LRFN1: variants seen among roughly 807,000 people sequenced by gnomAD.
LRFN1 encodes the protein leucine-rich repeat and fibronectin type III domain-containing protein 1.
LRFN1 carries 20 observed loss-of-function variants against 31.8 expected under a neutral mutation model. The observed-to-expected ratio is 0.63, with a 90% CI of 0.44 to 0.91. LRFN1 has a LOEUF of 0.91. LRFN1 is among the 40% of genes least tolerant of loss of function. LRFN1 has a pLI of 0.00. For missense variants in LRFN1, 912 were observed against 1,129.8 expected (o/e 0.81, Z 2.76); for synonymous variants, 514 against 541.3 (o/e 0.95, Z 0.70).
chr19:39,307,782 C>A lies in LRFN1; in HGVS notation c.2167G>T (p.Ala723Ser). ...LFQSHSYPRR[A>S]RRTKRHRSTP... ...GACCGGTGGCGCTTTGTCCGCCGGG[C>A]GCGGCGCGGGTAACTGTGGCTCTGG... Residue 723 changes from alanine (A) to serine (S), a missense_variant, in exon 5 of 5, where the codon GCC becomes TCC. Ala to Ser is a moderately conservative substitution (Grantham distance 99). Coordinates refer to ENST00000248668, the MANE Select transcript of LRFN1 (RefSeq NM_020862.2). This position sits in a 1 kb window ranked among gnomAD's most constrained non-coding sequence, Gnocchi z 6.7. The A allele has an allele frequency of 6.7e-7, 1 of 1,489,374 alleles. No homozygotes were observed. The highest frequency in any genetic ancestry group is 8.9e-7 in the Non-Finnish European group (1 of 1,127,658). The allele number at this position is 1,489,374 out of a possible 1,614,324, so 92.3% of individuals were successfully genotyped here. A position where few individuals can be genotyped will look rare whatever the true frequency, so the allele number is the denominator to read the frequency against.
Position 39,307,941 on chromosome 19 carries a change from G to T in LRFN1, c.2008C>A (p.Arg670=). Residue 670 remains arginine (R), a synonymous_variant, in exon 5 of 5, where the codon CGA becomes AGA. Transcript: ENST00000248668. The surrounding 1 kb of genome is among the most constrained non-coding windows in gnomAD (Gnocchi z 6.7). ...TCCAGGGCGCCGGATCGGCTCCTTC[G>T]AGGGCCCACCGCGGCCCGAGACTCC... The part of the protein sequence containing the change: ...GEESRAAVGP[R]RSRSGALEPP... The T allele has an allele frequency of 2.5e-6, 4 of 1,570,514 alleles. No individual in the cohort carries two copies. Among genetic ancestry groups the T allele is most frequent in the Non-Finnish European group, 3.4e-6 (4 of 1,166,440 alleles).
In LRFN1 at chr19:39,308,003, G is replaced by A. The variant is rs1217539009; in HGVS notation, c.1946C>T (p.Ser649Leu). 2 of 1,573,514 alleles carry A rather than the reference G, an allele frequency of 1.3e-6. No homozygotes were observed. The highest frequency in any genetic ancestry group is 1.4e-5 in the African/African-American group (1 of 73,152). Residue 649 changes from serine (S) to leucine (L), a missense_variant, in exon 5 of 5, where the codon TCG (serine) becomes TTG (leucine). Around this residue, in one of 2 missense-constraint regions of LRFN1, gnomAD observed 511 missense variants for 557.0 expected, o/e 0.92. Coordinates refer to ENST00000248668, the MANE Select transcript of LRFN1 (RefSeq NM_020862.2). This position sits in a 1 kb window ranked among gnomAD's most constrained non-coding sequence, Gnocchi z 6.2. ...TTCCTCGGATGGCAGCAGGCACAGC[G>A]AGGTGGCCGAGCCGCCCAGAGAACG... ...LGRSLGGSATSLCLLPSEETS... is the reference protein window; with the variant it reads ...LGRSLGGSATLLCLLPSEETS...
At chr19:39,318,596 C>T (rs2075178892) in intron 1 of LRFN1, among the ~76,000 whole-genome samples, 1 of 152,050 alleles carries the variant, frequency 6.6e-6, no homozygotes, top group Non-Finnish European at 1.5e-5. Flanking sequence ...GCCCTTTGTC[C>T]TCTGGGGTTT....
chr19:39,320,540 G>A (rs567980488), intron 1 of LRFN1, among the ~76,000 whole-genome samples: 67 of 152,116 alleles, frequency 4.4e-4, no homozygotes, highest in African/African-American at 1.5e-3. Flanking sequence ...ACACACAGCC[G>A]GAGGGGCGGC....
intron 1 of LRFN1, among the ~76,000 whole-genome samples, chr19:39,318,794 G>C (rs1423028149): frequency 6.6e-6 from 1 of 152,188 alleles, no homozygotes; most frequent in African/African-American, 2.4e-5. Context: ...ACACCAACAT[G>C]TGTGTCCATG....
At chr19:39,316,518 C>T (rs2075172475) in intron 2 of LRFN1, among the ~76,000 whole-genome samples, 1 of 152,134 alleles carries the variant, frequency 6.6e-6, no homozygotes, top group Non-Finnish European at 1.5e-5. Flanking sequence ...TTAAGGGTTT[C>T]CCCCCTCCCG....
At position 39,314,606 on chromosome 19, in the gene LRFN1, G is replaced by C; in HGVS notation, c.731C>G (p.Pro244Arg). ...GTTGCCGCCGAAGCTGACGGTCAGCGGGGTGGGCGGCTTGGGCCCGGTGCC... is the reference window on the plus strand; with the variant it reads ...GTTGCCGCCGAAGCTGACGGTCAGCCGGGTGGGCGGCTTGGGCCCGGTGCC... ...SQGTGPKPPT[P>R]LTVSFGGNPL... is the part of the protein sequence containing the mutation. The change falls in exon 4 of 5, where the codon CCG becomes CGG. Residue 244 changes from proline (P) to arginine (R), a missense_variant. Physicochemically the swap from Pro to Arg is moderately radical, Grantham distance 103. Coordinates refer to ENST00000248668, the MANE Select transcript of LRFN1 (RefSeq NM_020862.2). The C allele has an allele frequency of 6.2e-7, 1 of 1,610,046 alleles. No individual in the cohort carries two copies. The highest frequency in any genetic ancestry group is 8.5e-7 in the Non-Finnish European group (1 of 1,178,344).
chr19:39,312,800 CAAAAAAAA>C (rs34184676), intron 4 of LRFN1, among the ~76,000 whole-genome samples: 1 of 93,888 alleles, frequency 1.1e-5, no homozygotes, highest in Non-Finnish European at 2.5e-5. Context: ...AAGACCCTGC[CAAAAAAAA>C]AAAAGAAAAA....
intron 1 of LRFN1, among the ~76,000 whole-genome samples, chr19:39,319,122 CCCT>C (rs2075180389): frequency 2.0e-5 from 3 of 152,188 alleles, no homozygotes; most frequent in Non-Finnish European, 2.9e-5. Context: ...TGGATACATA[CCCT>C]CAAGGTTGAC....
At position 39,308,510 on chromosome 19, in the gene LRFN1, A is replaced by G; in HGVS notation, c.1439T>C (p.Val480Ala). 6.4e-7 allele frequency: 1 copy of G among 1,572,444 alleles called. No homozygotes were observed. The highest frequency in any genetic ancestry group is 8.6e-7 in the Non-Finnish European group (1 of 1,163,764). Residue 480 changes from valine to alanine, a missense_variant, in exon 5 of 5, where the codon GTG (valine) becomes GCG (alanine). Around this residue, in one of 2 missense-constraint regions of LRFN1, gnomAD observed 511 missense variants for 557.0 expected, o/e 0.92. Coordinates refer to ENST00000248668, the MANE Select transcript of LRFN1 (RefSeq NM_020862.2). This position sits in a 1 kb window ranked among gnomAD's most constrained non-coding sequence, Gnocchi z 6.2. The part of the protein sequence containing the change: ...MIPSTSQTFL[V>A]NDLAAGRAYD... ...GGCACGGCCCGCCGCCAGGTCATTC[A>G]CCAGGAAGGTCTGACTGGTGGACGG...
chr19:39,308,489 C>A lies in LRFN1; in HGVS notation c.1460G>T (p.Arg487Leu). 1.2e-6 allele frequency: 2 copies of A among 1,600,716 alleles called. No homozygotes were observed. Among genetic ancestry groups the A allele is most frequent in the Non-Finnish European group, 1.7e-6 (2 of 1,178,090 alleles). ...CGCCAGCACGCACAAGTCGTAGGCA[C>A]GGCCCGCCGCCAGGTCATTCACCAG... is the stretch of plus-strand genomic sequence containing the variant. ...TFLVNDLAAGRAYDLCVLAVY... is the reference protein window; with the variant it reads ...TFLVNDLAAGLAYDLCVLAVY... Residue 487 changes from arginine (R) to leucine (L), a missense_variant, in exon 5 of 5, where the codon CGT becomes CTT. Coordinates refer to ENST00000248668, the MANE Select transcript of LRFN1 (RefSeq NM_020862.2). The surrounding 1 kb of genome is among the most constrained non-coding windows in gnomAD (Gnocchi z 6.2).
rs963629336 is a variant in LRFN1, at chr19:39,308,490, G to T, written c.1459C>A (p.Arg487Ser). 6.2e-6 allele frequency: 10 copies of T among 1,602,884 alleles called. No individual in the cohort carries two copies. The highest frequency in any genetic ancestry group is 1.3e-5 in the African/African-American group (1 of 74,918). ...TFLVNDLAAG[R>S]AYDLCVLAVY... ...GCCAGCACGCACAAGTCGTAGGCAC[G>T]GCCCGCCGCCAGGTCATTCACCAGG... is the stretch of plus-strand genomic sequence containing the variant. Residue 487 changes from arginine to serine, a missense_variant, in exon 5 of 5, where the codon CGT (arginine) becomes AGT (serine). Physicochemically the swap from Arg to Ser is moderately radical, Grantham distance 110. Coordinates refer to ENST00000248668, the MANE Select transcript of LRFN1 (RefSeq NM_020862.2). The surrounding 1 kb of genome is among the most constrained non-coding windows in gnomAD (Gnocchi z 6.2).
In LRFN1 at chr19:39,314,123, T is replaced by C. The variant is rs1191654600; in HGVS notation, c.1214A>G (p.Glu405Gly). 1.2e-6 allele frequency: 2 copies of C among 1,612,170 alleles called. No individual in the cohort carries two copies. Among genetic ancestry groups the C allele is most frequent in the Admixed American group, 1.7e-5 (1 of 59,910 alleles). ...PPPAAPPPLT[E>G]PGSSDIATPG... is the part of the protein sequence containing the mutation. ...CGTGGCGATGTCAGAGGAGCCGGGC[T>C]CGGTGAGAGGCGGCGGGGCAGCCGG... The change falls in exon 4 of 5, where the codon GAG becomes GGG. Residue 405 changes from glutamate (E) to glycine (G), a missense_variant. Around this residue, in one of 2 missense-constraint regions of LRFN1, gnomAD observed 511 missense variants for 557.0 expected, o/e 0.92. Coordinates refer to ENST00000248668, the MANE Select transcript of LRFN1 (RefSeq NM_020862.2).
In LRFN1 at chr19:39,307,367, G is replaced by A. The variant is rs1404554338; in HGVS notation, c.*266C>T. 53 of 405,796 alleles carry A rather than the reference G, an allele frequency of 1.3e-4. 1 individual carries two copies. In the East Asian group the frequency reaches 1.9e-3, roughly 14 times the overall value. 25.1% of individuals were successfully genotyped at this position (405,796 alleles called of 1,614,324 possible). A position where few individuals can be genotyped will look rare whatever the true frequency, so the allele number is the denominator to read the frequency against. ...AGGCACCGGCTCCAGCGAGGTCCGC[G>A]AGCGCGCGAGGGGAGGGGTAGGAGG... On this transcript the variant is annotated 3_prime_UTR_variant, in exon 5 of 5. Coordinates refer to ENST00000248668, the MANE Select transcript of LRFN1 (RefSeq NM_020862.2). The surrounding 1 kb of genome is among the most constrained non-coding windows in gnomAD (Gnocchi z 6.7).
rs1211091807 is a variant in LRFN1 at position 39,315,844 on chromosome 19, C to G, written c.-38+238G>C. Among the ~76,000 whole-genome samples the G allele has an allele frequency of 6.6e-6, 1 of 152,050 alleles. No homozygotes were observed. The highest frequency in any genetic ancestry group is 1.5e-5 in the Non-Finnish European group (1 of 67,990). On this transcript the variant is annotated intron_variant, in intron 3 of 4. Coordinates refer to ENST00000248668, the MANE Select transcript of LRFN1 (RefSeq NM_020862.2). This position sits in a 1 kb window ranked among gnomAD's most constrained non-coding sequence, Gnocchi z 4.7. ...AAAACATAAATAAAAATAAAAATAT[C>G]TCTATACTGGTTGATAGAATACCCC...
Position 39,314,696 on chromosome 19 carries a change from C to A in LRFN1, c.641G>T (p.Arg214Leu). ...CAGGCGGTTGGAGGTCATGTCCAGA[C>A]GGACCAGCTTGTGAAGCTGCACGAA... ...GTFVQLHKLV[R>L]LDMTSNRLHK... The change falls in exon 4 of 5, where the codon CGT (arginine) becomes CTT (leucine). Residue 214 changes from arginine to leucine, a missense_variant. Around this residue, in one of 2 missense-constraint regions of LRFN1, gnomAD observed 401 missense variants for 572.7 expected, o/e 0.70. Transcript: ENST00000248668. 6.2e-7 allele frequency: 1 copy of A among 1,613,246 alleles called. No homozygotes were observed. The highest frequency in any genetic ancestry group is 8.5e-7 in the Non-Finnish European group (1 of 1,179,478).
chr19:39,315,456 C>A lies in LRFN1; in HGVS notation c.-37-83G>T. Reference sequence around the variant, plus strand: ...GCTACGAGTCAGGCCTGGATCCCTCCCCTACCGCCTACAGCTGGGTTCCAT... The same window carrying A: ...GCTACGAGTCAGGCCTGGATCCCTCACCTACCGCCTACAGCTGGGTTCCAT... On this transcript the variant is annotated intron_variant, in intron 3 of 4. Transcript: ENST00000248668. The surrounding 1 kb of genome is among the most constrained non-coding windows in gnomAD (Gnocchi z 4.7). The A allele has an allele frequency of 1.1e-6, 1 of 907,090 alleles. No individual in the cohort carries two copies. Among genetic ancestry groups the A allele is most frequent in the Non-Finnish European group, 1.6e-6 (1 of 625,948 alleles). 56.2% of individuals were successfully genotyped at this position (907,090 alleles called of 1,614,324 possible).
At chr19:39,320,305 G>GACACACACACACACACACACACACAC (rs35232910) in intron 1 of LRFN1, among the ~76,000 whole-genome samples, 2 of 134,656 alleles carry the variant, frequency 1.5e-5, no homozygotes, top group Non-Finnish European at 3.2e-5. Context: ...ACAACCCGCA[G>GACACACACACACACACACACACACAC]ACACACACAC....
Position 39,308,621 on chromosome 19 carries a change from A to T in LRFN1, c.1407-79T>A. 1 of 1,270,028 alleles carries T rather than the reference A, an allele frequency of 7.9e-7. No homozygotes were observed. Among genetic ancestry groups the T allele is most frequent in the South Asian group, 1.5e-5 (1 of 66,568 alleles). 78.7% of individuals were successfully genotyped at this position (1,270,028 alleles called of 1,614,324 possible). ...TCGCTTTATGCCCCGCCCATGGTGA[A>T]CAGTGGGGACTAAACCCTGCTATCG... is the stretch of plus-strand genomic sequence containing the variant. On this transcript the variant is annotated intron_variant, in intron 4 of 4. Coordinates refer to ENST00000248668, the MANE Select transcript of LRFN1 (RefSeq NM_020862.2). The surrounding 1 kb of genome is among the most constrained non-coding windows in gnomAD (Gnocchi z 6.2).
Sources: gnomAD v4.1 joint callset for allele counts (sites outside exome capture counted in the v4.1 genomes callset) on GRCh38, gnomAD v4.1.1 for gene constraint, gnomAD v4.1.1 regional missense constraint, Gnocchi (gnomAD v3.1) non-coding constraint, MANE v1.5 for transcripts, NCBI Gene and HGNC (gene_info 2026-07-23, HGNC 2026-07-21) for gene names.